The following CCDC171 variants were observed in gnomAD, a reference collection of about 807,000 sequenced individuals.
CCDC171 encodes the protein coiled-coil domain containing 171.
Under a neutral mutation model 168.2 loss-of-function variants are expected in CCDC171, and 177 were observed. The ratio of observed to expected loss-of-function variants is 1.05; its 90% CI spans 0.93 to 1.19. The LOEUF is 1.19. Ranked by LOEUF, CCDC171 falls within the 50% of genes most tolerant of loss-of-function variation. The pLI, the probability that CCDC171 is intolerant of heterozygous loss-of-function variation, is 0.00. For synonymous variants in CCDC171, 687 were observed against 540.8 expected (o/e 1.27, Z -3.75); for missense variants, 1,991 against 1,539.0 (o/e 1.29, Z -4.91).
At chr9:16,047,045 G>A (rs755053255) in intron 1 of CCDC171, among the ~76,000 whole-genome samples, 16 of 152,118 alleles carry the variant, frequency 1.1e-4, no homozygotes, top group Admixed American at 3.3e-4. Context: ...TGCATCCTTG[G>A]CCTACTTATT....
intron 23 of CCDC171, among the ~76,000 whole-genome samples, chr9:15,863,026 A>C (rs2061624391): frequency 6.6e-6 from 1 of 151,426 alleles, no homozygotes; most frequent in African/African-American, 2.4e-5. Flanking sequence ...TCTGTGCTCT[A>C]GTCCAAACCA....
chr9:15,653,392 T>C (rs1207925903), intron 7 of CCDC171, among the ~76,000 whole-genome samples: 1 of 152,144 alleles, frequency 6.6e-6, no homozygotes, highest in Non-Finnish European at 1.5e-5. Context: ...TCTCCCTGAG[T>C]TGGCCTTCTG....
intron 23 of CCDC171, among the ~76,000 whole-genome samples, chr9:15,864,435 A>G (rs1041200607): frequency 6.6e-6 from 1 of 151,994 alleles, no homozygotes; most frequent in Admixed American, 6.6e-5. Flanking sequence ...CATTAGGTAT[A>G]TCTCCTAATG....
intron 21 of CCDC171, among the ~76,000 whole-genome samples, chr9:15,838,845 T>G (rs1255455744): frequency 2.6e-5 from 4 of 152,214 alleles, no homozygotes; most frequent in Non-Finnish European, 5.9e-5. Context: ...GATGCTGTAT[T>G]ATTGAGCTTG....
intron 6 of CCDC171, among the ~76,000 whole-genome samples, chr9:16,025,560 T>C (rs1833260726): frequency 6.6e-6 from 1 of 152,154 alleles, no homozygotes; most frequent in African/African-American, 2.4e-5. Context: ...CATCAACCGA[T>C]GAATAAACAA....
At chr9:16,006,655 C>T (rs950847660) in intron 3 of CCDC171, among the ~76,000 whole-genome samples, 2 of 150,758 alleles carry the variant, frequency 1.3e-5, no homozygotes, top group Non-Finnish European at 1.5e-5. Context: ...TTGTTCAATT[C>T]CTACCTATGA....
At chr9:15,596,783 A>C (rs1280506242) in intron 6 of CCDC171, among the ~76,000 whole-genome samples, 1 of 151,936 alleles carries the variant, frequency 6.6e-6, no homozygotes, top group Non-Finnish European at 1.5e-5. Context: ...ATGAGCATGG[A>C]ATGTTCTTCC....
chr9:15,664,435 G>C (rs2048565234), intron 8 of CCDC171, among the ~76,000 whole-genome samples: 1 of 152,018 alleles, frequency 6.6e-6, no homozygotes, highest in South Asian at 2.1e-4. Context: ...TTTTTGTAGA[G>C]ATGGGGTTTC....
At chr9:15,582,044 C>G (rs2041164174) in intron 4 of CCDC171, among the ~76,000 whole-genome samples, 1 of 152,148 alleles carries the variant, frequency 6.6e-6, no homozygotes, top group African/African-American at 2.4e-5. Flanking sequence ...TGACAAAGGG[C>G]TAATATCCAG....
In CCDC171 at chr9:15,581,099, C is replaced by A. The variant is rs577888164; in HGVS notation, c.352+2076C>A. ...TCAGCAAAGCCTCAGGATACAAAAT[C>A]AGTGTGCAAAAATTGCAAGCATTCC... On this transcript the variant is annotated intron_variant, in intron 4 of 25. Transcript: ENST00000380701. Among the ~76,000 whole-genome samples, 81 of 152,278 alleles carry A rather than the reference C, an allele frequency of 5.3e-4. 2 individuals carry two copies. The South Asian group carries it at 0.016, about 30-fold the overall frequency.
chr9:15,982,040 T>C (rs1831813327), intron 3 of CCDC171, among the ~76,000 whole-genome samples: 1 of 152,206 alleles, frequency 6.6e-6, no homozygotes, highest in Non-Finnish European at 1.5e-5. Flanking sequence ...TTGTAGTTTA[T>C]TCCATGAACT....
At chr9:16,048,199 A>T (rs1212177356) in intron 1 of CCDC171, among the ~76,000 whole-genome samples, 1 of 152,226 alleles carries the variant, frequency 6.6e-6, no homozygotes, top group African/African-American at 2.4e-5. Flanking sequence ...TTTGGAGCAA[A>T]TTTAAGAGGT....
At chr9:15,988,928 G>C (rs13286219) in intron 3 of CCDC171, among the ~76,000 whole-genome samples, 2 of 152,066 alleles carry the variant, frequency 1.3e-5, no homozygotes, top group Non-Finnish European at 2.9e-5. Context: ...CAAAGCGGCC[G>C]GGAAGCTCGA....
At chr9:15,941,472 G>A (rs1461519374) in intron 25 of CCDC171, among the ~76,000 whole-genome samples, 1 of 151,826 alleles carries the variant, frequency 6.6e-6, no homozygotes, top group African/African-American at 2.4e-5. Flanking sequence ...AAAACACTGA[G>A]TTTGAAATTC....
chr9:15,875,917 T>A (rs1817778546), intron 24 of CCDC171: 1 of 152,122 alleles, frequency 6.6e-6, no homozygotes, highest in Non-Finnish European at 1.5e-5. Flanking sequence ...AAATGTGTAT[T>A]TTAAATTTGA....
At chr9:16,047,500 G>T (rs1833680289) in intron 1 of CCDC171, among the ~76,000 whole-genome samples, 1 of 152,136 alleles carries the variant, frequency 6.6e-6, no homozygotes. Context: ...GCCTCCAGGT[G>T]GTCCCCCTGT....
chr9:16,084,410 C>A, the CCDC171 span, among the ~76,000 whole-genome samples: 1 of 152,148 alleles, frequency 6.6e-6, no homozygotes, highest in Non-Finnish European at 1.5e-5. Context: ...CCTCTTCATC[C>A]CAGTATTCCT....
intron 21 of CCDC171, among the ~76,000 whole-genome samples, chr9:15,793,295 C>G (rs2058368213): frequency 6.6e-6 from 1 of 151,766 alleles, no homozygotes; most frequent in South Asian, 2.1e-4. Flanking sequence ...ATATATGCAC[C>G]CAATACAGGA....
chr9:15,868,617 C>T (rs568946693), intron 23 of CCDC171, among the ~76,000 whole-genome samples: 11 of 151,812 alleles, frequency 7.2e-5, no homozygotes, highest in Non-Finnish European at 1.5e-4. Context: ...TTTTATGAAA[C>T]AAACATTGTT....
Sources: gnomAD v4.1 joint callset for allele counts (sites outside exome capture counted in the v4.1 genomes callset) on GRCh38, gnomAD v4.1.1 for gene constraint, MANE v1.5 for transcripts, NCBI Gene and HGNC (gene_info 2026-07-23, HGNC 2026-07-21) for gene names.